The following RTN4 variants were observed in gnomAD, a reference collection of about 807,000 sequenced individuals.
RTN4 encodes the protein reticulon-4.
RTN4 carries 32 observed loss-of-function variants against 90.4 expected under a neutral mutation model. That is an observed-to-expected ratio of 0.35 (90% CI 0.27 to 0.48). The LOEUF (loss-of-function observed/expected upper bound fraction) is 0.48. RTN4 is among the 20% of genes least tolerant of loss of function. The pLI is 0.99. For synonymous variants in RTN4, 629 were observed against 552.5 expected, an observed-to-expected ratio of 1.14 and a Z score of -1.94; for missense variants, 1,706 against 1,430.2, an observed-to-expected ratio of 1.19 and a Z score of -3.11.
chr2:55,102,395 A>G (rs1667867583), intron 1 of RTN4, among the ~76,000 whole-genome samples: 1 of 152,178 alleles, frequency 6.6e-6, no homozygotes, highest in African/African-American at 2.4e-5. Flanking sequence ...AAAATGGCTC[A>G]ACTCTGTTGT....
the RTN4 span, among the ~76,000 whole-genome samples, chr2:55,135,653 T>C: frequency 1.3e-5 from 2 of 152,182 alleles, no homozygotes; most frequent in African/African-American, 4.8e-5. Flanking sequence ...GTATATACAA[T>C]ACCATGAAGC....
intron 1 of RTN4, among the ~76,000 whole-genome samples, chr2:55,090,565 C>T (rs1307956458): frequency 1.1e-4 from 16 of 152,180 alleles, no homozygotes. Context: ...TCCACCTCCC[C>T]TCTATCCACC....
At chr2:55,010,094 C>T (rs1361896939) in intron 3 of RTN4, 3 of 1,613,472 alleles carry the variant, frequency 1.9e-6, no homozygotes, top group Non-Finnish European at 2.5e-6. Flanking sequence ...TACCCTTGTC[C>T]TTCCAATTTT....
At chr2:55,129,078 A>G in the RTN4 span, among the ~76,000 whole-genome samples, 1 of 148,402 alleles carries the variant, frequency 6.7e-6, no homozygotes, top group Non-Finnish European at 1.5e-5. Context: ...ACTACACTCC[A>G]GCCTAGGTGT....
At chr2:55,117,035 G>A (rs1451621115), upstream of RTN4, among the ~76,000 whole-genome samples, 1 of 151,930 alleles carries the variant, frequency 6.6e-6, no homozygotes, top group Non-Finnish European at 1.5e-5. Context: ...CACCATGCCT[G>A]GCTGATTTTT....
chr2:55,024,348 C>CAT (rs1292447944), intron 3 of RTN4, among the ~76,000 whole-genome samples: 1 of 152,172 alleles, frequency 6.6e-6, no homozygotes, highest in African/African-American at 2.4e-5. Context: ...TGGTGATGAG[C>CAT]TGGACTGTAC....
chr2:55,009,999 C>A, intron 3 of RTN4: 1 of 1,470,296 alleles, frequency 6.8e-7, no homozygotes, highest in Non-Finnish European at 9.4e-7. Flanking sequence ...ACTTTCAATC[C>A]AAAATATCTA....
intron 2 of RTN4, among the ~76,000 whole-genome samples, chr2:55,067,944 G>A (rs866461126): frequency 3.9e-5 from 6 of 152,098 alleles, no homozygotes; most frequent in Middle Eastern, 3.2e-3. Context: ...TAATTAGTAA[G>A]AAAAGAAGTA....
chr2:55,126,680 A>G, the RTN4 span, among the ~76,000 whole-genome samples: 1 of 152,242 alleles, frequency 6.6e-6, no homozygotes, highest in African/African-American at 2.4e-5. Flanking sequence ...TATTGGGTAT[A>G]TCCCAGAGGA....
chr2:55,132,400 G>A, the RTN4 span, among the ~76,000 whole-genome samples: 1 of 152,048 alleles, frequency 6.6e-6, no homozygotes, highest in South Asian at 2.1e-4. Flanking sequence ...GTACTCTGGA[G>A]TCTGAGGCAG....
At chr2:55,127,267 C>A in the RTN4 span, among the ~76,000 whole-genome samples, 4 of 152,164 alleles carry the variant, frequency 2.6e-5, no homozygotes, top group Non-Finnish European at 4.4e-5. Context: ...TTCTTCAGAA[C>A]AAGACAGGAC....
rs906823854 is a variant in RTN4 at position 55,025,188 on chromosome 2, T to C, written c.2911A>G (p.Lys971Glu). The C allele has an allele frequency of 1.2e-6, 2 of 1,613,868 alleles. No individual in the cohort carries two copies. Among genetic ancestry groups the C allele is most frequent in the South Asian group, 1.1e-5 (1 of 91,070 alleles). The change falls in exon 3 of 9, where the codon AAA becomes GAA. Residue 971 changes from lysine to glutamate, a missense_variant. Physicochemically the swap from Lys to Glu is moderately conservative, Grantham distance 56. Transcript: ENST00000337526. ...TTCTCAGCTTCTTTCACAAGAACTTTGGGTTTAACTATGCTCTCTATCTCT... is the reference window on the plus strand; with the variant it reads ...TTCTCAGCTTCTTTCACAAGAACTTCGGGTTTAACTATGCTCTCTATCTCT... ...QAEIESIVKP[K>E]VLVKEAEKKL...
intron 2 of RTN4, 97 bp from the exon 3 acceptor site, chr2:55,027,582 T>A: frequency 1.6e-6 from 2 of 1,217,054 alleles, no homozygotes; most frequent in Non-Finnish European, 2.3e-6. Context: ...AGTAAAGACT[T>A]ACTGTTTACT....
chr2:55,022,456 G>T (rs1411669833), intron 3 of RTN4, among the ~76,000 whole-genome samples: 1 of 152,074 alleles, frequency 6.6e-6, no homozygotes, highest in East Asian at 1.9e-4. Flanking sequence ...GTTTCCCTGT[G>T]GAACTTGCTA....
intron 1 of RTN4, among the ~76,000 whole-genome samples, chr2:55,043,776 C>G (rs1012792548): frequency 4.9e-4 from 74 of 151,014 alleles, no homozygotes; most frequent in African/African-American, 1.5e-3. Context: ...GTCCCAGCTA[C>G]TCGGGAGGCT....
chr2:55,132,749 G>C, the RTN4 span, among the ~76,000 whole-genome samples: 1 of 148,464 alleles, frequency 6.7e-6, no homozygotes, highest in Non-Finnish European at 1.5e-5. Context: ...GGGAGGTGGA[G>C]GCTACAGTGA....
Position 55,026,723 on chromosome 2 carries a change from C to T in RTN4, c.1376G>A (p.Gly459Glu), listed in dbSNP as rs201924791. The T allele has an allele frequency of 8.1e-6, 13 of 1,613,710 alleles. No individual in the cohort carries two copies. In the Admixed American group the frequency reaches 1.2e-4, roughly 14 times the overall value. Residue 459 changes from glycine to glutamate, a missense_variant, in exon 3 of 9, where the codon GGA (glycine) becomes GAA (glutamate). By Grantham distance (98) the Gly-to-Glu change is moderately conservative (BLOSUM62 -2). Coordinates refer to ENST00000337526, the MANE Select transcript of RTN4 (RefSeq NM_020532.5). Reference protein sequence around the residue: ...STPEGIKDRSGAYITCAPFNP... With the variant: ...STPEGIKDRSEAYITCAPFNP... ...AAAGGGAGCACATGTGATATATGCT[C>T]CTGAACGATCCTTTATACCTTCTGG...
intron 1 of RTN4, among the ~76,000 whole-genome samples, chr2:55,048,468 A>G (rs576220391): frequency 9.7e-4 from 147 of 152,270 alleles, no homozygotes; most frequent in African/African-American, 3.4e-3. Flanking sequence ...TAGAAAAGAA[A>G]TTTTATATTC....
At chr2:55,128,025 T>C in the RTN4 span, among the ~76,000 whole-genome samples, 1 of 152,042 alleles carries the variant, frequency 6.6e-6, no homozygotes, top group Non-Finnish European at 1.5e-5. Flanking sequence ...TTTTCTTCCA[T>C]GCCTGGCTAA....
Sources: gnomAD v4.1 joint callset for allele counts (sites outside exome capture counted in the v4.1 genomes callset) on GRCh38, gnomAD v4.1.1 for gene constraint, MANE v1.5 for transcripts, NCBI Gene and HGNC (gene_info 2026-07-23, HGNC 2026-07-21) for gene names.